ADGRL2: variants seen among roughly 807,000 people sequenced by gnomAD.
The protein encoded by ADGRL2 is adhesion G protein-coupled receptor L2, also known as calcium-independent alpha-latrotoxin receptor 2.
ADGRL2 carries 44 observed loss-of-function variants against 157.4 expected under a neutral mutation model. The ratio of observed to expected loss-of-function variants is 0.28; its 90% CI spans 0.22 to 0.36. The LOEUF is 0.36. Ranked by LOEUF, ADGRL2 falls within the 10% of genes least tolerant of loss-of-function variation. The pLI, the probability that ADGRL2 is intolerant of heterozygous loss-of-function variation, is 1.00. For synonymous variants in ADGRL2, 585 were observed against 624.7 expected (o/e 0.94, Z 0.95); for missense variants, 1,510 against 1,768.9 (o/e 0.85, Z 2.63).
Position 81,619,619 on chromosome 1 carries a change from T to G in ADGRL2, c.-143+38639T>G, listed in dbSNP as rs537991627. On this transcript the variant is annotated intron_variant, in intron 3 of 24. Coordinates refer to the ADGRL2 transcript ENST00000370721. Reference sequence around the variant, plus strand: ...GTTTAAAGAGTAATATAATACCATTTTGTGATCCTCATGAGAGGATGAAAT... The same window carrying G: ...GTTTAAAGAGTAATATAATACCATTGTGTGATCCTCATGAGAGGATGAAAT... Among the ~76,000 whole-genome samples, 154 of 125,516 alleles carry G rather than the reference T, an allele frequency of 1.2e-3. 2 individuals carry two copies. Among genetic ancestry groups the G allele is most frequent in the Admixed American group, 0.012 (146 of 12,396 alleles). The allele number at this position is 125,516 out of a possible 152,430, so 82.3% of individuals were successfully genotyped here. A position where few individuals can be genotyped will look rare whatever the true frequency, so the allele number is the denominator to read the frequency against.
intron 2 of ADGRL2, among the ~76,000 whole-genome samples, chr1:81,878,788 A>G (rs2093908440): frequency 6.6e-6 from 1 of 152,198 alleles, no homozygotes; most frequent in African/African-American, 2.4e-5. Context: ...ACATGAAATA[A>G]ACACAGTGTA....
intron 1 of ADGRL2, among the ~76,000 whole-genome samples, chr1:81,828,898 T>G (rs953300232): frequency 1.3e-5 from 2 of 151,346 alleles, no homozygotes; most frequent in Non-Finnish European, 2.9e-5. Flanking sequence ...CTCATCTAAA[T>G]CTCCTCATAT....
At chr1:81,616,834 G>A (rs865839726) in intron 3 of ADGRL2, among the ~76,000 whole-genome samples, 40 of 151,806 alleles carry the variant, frequency 2.6e-4, no homozygotes, top group African/African-American at 6.8e-4. Context: ...CTGCCACTGC[G>A]TCTGGCTGAT....
At chr1:81,675,240 A>G (rs1200113618) in intron 3 of ADGRL2, among the ~76,000 whole-genome samples, 1 of 152,254 alleles carries the variant, frequency 6.6e-6, no homozygotes, top group African/African-American at 2.4e-5. Flanking sequence ...TTAGGAAAGA[A>G]GAGACTTCTG....
At chr1:81,727,096 A>G (rs1200037535) in intron 1 of ADGRL2, among the ~76,000 whole-genome samples, 3 of 152,166 alleles carry the variant, frequency 2.0e-5, no homozygotes, top group Non-Finnish European at 4.4e-5. Context: ...GAAGTATGCA[A>G]ATTTTCTCTT....
chr1:81,561,223 C>G (rs1235074038), intron 2 of ADGRL2, among the ~76,000 whole-genome samples: 1 of 152,018 alleles, frequency 6.6e-6, no homozygotes, highest in Non-Finnish European at 1.5e-5. Context: ...TATTGTCTCT[C>G]TCCGTTTATC....
chr1:81,935,010 G>C (rs1486415524), intron 3 of ADGRL2, among the ~76,000 whole-genome samples: 1 of 151,916 alleles, frequency 6.6e-6, no homozygotes, highest in East Asian at 1.9e-4. Flanking sequence ...GTTTAAAAAA[G>C]AAGAAAAATG....
chr1:81,786,917 G>A (rs2087075959), intron 2 of ADGRL2, among the ~76,000 whole-genome samples: 1 of 152,276 alleles, frequency 6.6e-6, no homozygotes, highest in Non-Finnish European at 1.5e-5. Flanking sequence ...ATCTCATCTT[G>A]AATTGTACTC....
At chr1:81,477,716 A>G (rs941840498) in intron 2 of ADGRL2, among the ~76,000 whole-genome samples, 3 of 152,226 alleles carry the variant, frequency 2.0e-5, no homozygotes, top group African/African-American at 7.2e-5. Context: ...GAGAATCAAT[A>G]TATTTTTGTA....
At chr1:81,586,991 C>T (rs1048372295) in intron 3 of ADGRL2, among the ~76,000 whole-genome samples, 1 of 152,046 alleles carries the variant, frequency 6.6e-6, no homozygotes, top group Non-Finnish European at 1.5e-5. Flanking sequence ...GGTGAACAGA[C>T]AGCTGTCCAG....
chr1:81,575,155 A>T (rs1446199068), intron 2 of ADGRL2, among the ~76,000 whole-genome samples: 1 of 152,206 alleles, frequency 6.6e-6, no homozygotes, highest in African/African-American at 2.4e-5. Flanking sequence ...TGTCAATTCT[A>T]GTAAAATTTT....
At position 81,333,839 on chromosome 1, in the gene ADGRL2, A is replaced by G. The variant is rs561347484; in HGVS notation, c.-302+27330A>G. ...TGTTCTGTGGGAGTCCACAATTATT[A>G]CTGTAATGAGATTGCTATGATGCAG... On this transcript the variant is annotated intron_variant, in intron 1 of 24. Coordinates refer to the ADGRL2 transcript ENST00000370721. Among the ~76,000 whole-genome samples the G allele has an allele frequency of 7.0e-4, 106 of 152,090 alleles. 1 individual carries two copies. Among genetic ancestry groups the G allele is most frequent in the African/African-American group, 2.4e-3 (99 of 41,506 alleles).
intron 1 of ADGRL2, among the ~76,000 whole-genome samples, chr1:81,373,795 G>A (rs1247024098): frequency 1.3e-5 from 2 of 152,260 alleles, no homozygotes; most frequent in Non-Finnish European, 1.5e-5. Context: ...ATGATGACAC[G>A]GAGGGTGGGC....
At chr1:81,847,833 ATGTT>A (rs1038676605) in intron 2 of ADGRL2, among the ~76,000 whole-genome samples, 20 of 152,066 alleles carry the variant, frequency 1.3e-4, no homozygotes, top group African/African-American at 4.6e-4. Flanking sequence ...TGCAAAGTGT[ATGTT>A]TGTCTTATTT....
intron 21 of ADGRL2, 109 bp from the exon 22 acceptor site, chr1:81,986,792 C>T: frequency 1.9e-6 from 2 of 1,070,812 alleles, no homozygotes; most frequent in Admixed American, 2.5e-5. Context: ...CCAACTTGTC[C>T]ACTACCCTTG....
intron 3 of ADGRL2, among the ~76,000 whole-genome samples, chr1:81,915,534 C>T (rs917521015): frequency 5.9e-5 from 9 of 152,066 alleles, no homozygotes; most frequent in Non-Finnish European, 1.2e-4. Flanking sequence ...GTTGAGGAAA[C>T]CAGAGTATTT....
chr1:81,537,135 T>C (rs1377779202), intron 2 of ADGRL2, among the ~76,000 whole-genome samples: 1 of 152,236 alleles, frequency 6.6e-6, no homozygotes, highest in East Asian at 1.9e-4. Flanking sequence ...ATATGTCCAC[T>C]GTATACATTT....
At chr1:81,606,088 A>G (rs1239310191) in intron 3 of ADGRL2, among the ~76,000 whole-genome samples, 2 of 152,182 alleles carry the variant, frequency 1.3e-5, no homozygotes, top group Non-Finnish European at 1.5e-5. Flanking sequence ...CAAGATTTAT[A>G]GCTTGTCGTG....
chr1:81,426,989 G>A (rs2077228836), intron 1 of ADGRL2: 2 of 884,820 alleles, frequency 2.3e-6, no homozygotes, highest in Admixed American at 3.4e-5. Context: ...TCACGATACA[G>A]TTGATAACAT....
Sources: allele counts gnomAD v4.1 joint callset (sites outside exome capture counted in the v4.1 genomes callset), GRCh38; gene constraint gnomAD v4.1.1; transcripts MANE v1.5; gene names NCBI Gene and HGNC (gene_info 2026-07-23, HGNC 2026-07-21).